SPEG: variants seen among roughly 807,000 people sequenced by gnomAD.
The protein encoded by SPEG is striated muscle enriched protein kinase.
SPEG carries 114 observed loss-of-function variants against 300.4 expected under a neutral mutation model. The ratio of observed to expected loss-of-function variants is 0.38; its 90% CI spans 0.33 to 0.44. The LOEUF is 0.44. Among genes scored for constraint, SPEG ranks in the 20% least tolerant of loss-of-function variants. SPEG has a pLI of 1.00. For missense variants in SPEG, 4,201 were observed against 4,586.2 expected, an observed-to-expected ratio of 0.92 and a Z score of 2.43; for synonymous variants, 1,964 against 2,018.9, an observed-to-expected ratio of 0.97 and a Z score of 0.73.
chr2:219,492,350 A>G (rs909184598), intron 40 of SPEG, 90 bp downstream of exon 40: 6 of 1,426,022 alleles, frequency 4.2e-6, no homozygotes, highest in Non-Finnish European at 5.8e-6. Context: ...CCCTGCTCCT[A>G]GGAAGAAGTC....
rs1692810908 is a variant in SPEG at position 219,481,243 on chromosome 2, C to T, written c.5370-61C>T. On this transcript the variant is annotated intron_variant, in intron 26 of 40. Coordinates refer to ENST00000312358, the MANE Select transcript of SPEG (RefSeq NM_005876.5). This position sits in a 1 kb window ranked among gnomAD's most constrained non-coding sequence, Gnocchi z 5.4. ...CTCCATCTGTCCCCAGCCCTGTGCCCCCACTGACATTCCCCTTTGTCCCCG... is the reference window on the plus strand; with the variant it reads ...CTCCATCTGTCCCCAGCCCTGTGCCTCCACTGACATTCCCCTTTGTCCCCG... 1.3e-6 allele frequency: 2 copies of T among 1,561,264 alleles called. No homozygotes were observed. The highest frequency in any genetic ancestry group is 8.8e-7 in the Non-Finnish European group (1 of 1,141,796).
Position 219,445,030 on chromosome 2 carries a change from G to A in SPEG, c.684G>A (p.Glu228=), listed in dbSNP as rs1194361146. The A allele has an allele frequency of 6.2e-7, 1 of 1,609,084 alleles. No individual in the cohort carries two copies. The highest frequency in any genetic ancestry group is 8.5e-7 in the Non-Finnish European group (1 of 1,177,912). Residue 228 remains glutamate (E), a synonymous_variant, in exon 3 of 41, where the codon GAG becomes GAA. Transcript: ENST00000312358. The surrounding 1 kb of genome is among the most constrained non-coding windows in gnomAD (Gnocchi z 6.1). The stretch of plus-strand genomic sequence containing the variant: ...CCGGGCCACGGCACCTGGGGGTGGA[G>A]CCGCTGGTGCGGGCATCTCGAGCTA... The part of the protein sequence containing the change: ...TGAGPRHLGV[E]PLVRASRANL...
rs1322082532 is a variant in SPEG at position 219,490,739 on chromosome 2, G to A, written c.9168G>A (p.Arg3056=). 1.9e-6 allele frequency: 3 copies of A among 1,613,928 alleles called. No individual in the cohort carries two copies. The African/African-American group carries it at 4.0e-5, about 22-fold the overall frequency. The change falls in exon 38 of 41, where the codon CGG becomes CGA. Residue 3056 remains arginine, a synonymous_variant. Coordinates refer to ENST00000312358, the MANE Select transcript of SPEG (RefSeq NM_005876.5). ...TCCATCCCTGCCCTCCCAGGTTCCGGTATTCTGAGGATGACGTGGCCACTT... is the reference window on the plus strand; with the variant it reads ...TCCATCCCTGCCCTCCCAGGTTCCGATATTCTGAGGATGACGTGGCCACTT... ...ELLCGLSDRF[R]YSEDDVATYM... is the part of the protein sequence containing the mutation.
rs757526116 is a variant in SPEG at position 219,451,917 on chromosome 2, C to A, written c.2440+110C>A. 2.6e-6 allele frequency: 3 copies of A among 1,141,300 alleles called. No homozygotes were observed. In the African/African-American group the frequency reaches 4.7e-5, roughly 18 times the overall value. The allele number at this position is 1,141,300 out of a possible 1,614,324, so 70.7% of individuals were successfully genotyped here. ...CTCTCAGCCTTGAGCTTGGGCACCC[C>A]GCCAGCATACTTAGTCCATGCAGTC... On this transcript the variant is annotated intron_variant, in intron 6 of 40. Transcript: ENST00000312358. The surrounding 1 kb of genome is among the most constrained non-coding windows in gnomAD (Gnocchi z 6.4).
Position 219,451,667 on chromosome 2 carries a change from G to C in SPEG, c.2300G>C (p.Arg767Pro), listed in dbSNP as rs749288521. 3 of 1,587,490 alleles carry C rather than the reference G, an allele frequency of 1.9e-6. No homozygotes were observed. The highest frequency in any genetic ancestry group is 2.6e-6 in the Non-Finnish European group (3 of 1,169,100). ...KDGSALRSEGRLLLRAEGERH... is the reference protein window; with the variant it reads ...KDGSALRSEGPLLLRAEGERH... Reference sequence around the variant, plus strand: ...GGGTCAGCGCTGCGCAGCGAGGGCCGCCTCCTCCTCCGGGCTGAGGGTGAG... The same window carrying C: ...GGGTCAGCGCTGCGCAGCGAGGGCCCCCTCCTCCTCCGGGCTGAGGGTGAG... Residue 767 changes from arginine to proline, a missense_variant, in exon 6 of 41, where the codon CGC (arginine) becomes CCC (proline). This residue lies in a region of SPEG where 1,258 missense variants were observed against 1,293.9 expected (regional missense o/e 0.97). Transcript: ENST00000312358. This position sits in a 1 kb window ranked among gnomAD's most constrained non-coding sequence, Gnocchi z 6.4.
intron 13 of SPEG, among the ~76,000 whole-genome samples, chr2:219,470,921 T>C (rs1559399332): frequency 6.8e-6 from 1 of 146,380 alleles, no homozygotes; most frequent in Non-Finnish European, 1.5e-5. Flanking sequence ...GCAACTCTTG[T>C]AATATATCAT....
In SPEG at chr2:219,469,247, C is replaced by T; in HGVS notation, c.3583C>T (p.Gln1195Ter). The change falls in exon 13 of 41, where the codon CAG becomes TAG. Residue 1195 changes from glutamine (Q) to a stop codon, truncating the protein, a stop_gained. Transcript: ENST00000312358. LOFTEE classifies it high-confidence loss of function. Reference sequence around the variant, plus strand: ...CATTCCTGACTTCCTGCGGCCACTGCAGGACCTGGAGGTGGGACTGGCCAA... The same window carrying T: ...CATTCCTGACTTCCTGCGGCCACTGTAGGACCTGGAGGTGGGACTGGCCAA... The part of the protein sequence containing the change: ...LSIPDFLRPL[Q>*]DLEVGLAKEA... 1 of 1,613,852 alleles carries T rather than the reference C, an allele frequency of 6.2e-7. No individual in the cohort carries two copies. The highest frequency in any genetic ancestry group is 8.5e-7 in the Non-Finnish European group (1 of 1,179,978).
chr2:219,469,741 A>G (rs1206577162), intron 13 of SPEG, among the ~76,000 whole-genome samples: 1 of 152,212 alleles, frequency 6.6e-6, no homozygotes, highest in African/African-American at 2.4e-5. Flanking sequence ...GCCCCAGAGC[A>G]GGGCCTGGCA....
intron 11 of SPEG, 47 bp downstream of exon 11, chr2:219,468,783 G>T: frequency 6.2e-7 from 1 of 1,610,068 alleles, no homozygotes; most frequent in Non-Finnish European, 8.5e-7. Context: ...CAAGGGCCCA[G>T]GCGGCGATGG....
In SPEG at chr2:219,435,258, GGCTGCGGCGCTGCGGGGC is replaced by G; in HGVS notation, c.284_301del (p.Leu95_Ala100del). 6.7e-7 allele frequency: 1 copy of G among 1,489,492 alleles called. No homozygotes were observed. The highest frequency in any genetic ancestry group is 8.9e-7 in the Non-Finnish European group (1 of 1,129,270). The allele number at this position is 1,489,492 out of a possible 1,614,324, so 92.3% of individuals were successfully genotyped here. ...CCGGCCCCCGAGCCCAGCTGCCTGT[GGCTGCGGCGCTGCGGGGC>G]GCAGGACGCCGGCGTGTACAGCTGC... is the stretch of plus-strand genomic sequence containing the variant. On this transcript the variant is annotated inframe_deletion, in exon 1 of 41. Transcript: ENST00000312358.
chr2:219,488,533 A>T lies in SPEG; in HGVS notation c.7894A>T (p.Ile2632Phe). 2 of 1,603,722 alleles carry T rather than the reference A, an allele frequency of 1.2e-6. No individual in the cohort carries two copies. Among genetic ancestry groups the T allele is most frequent in the Non-Finnish European group, 1.7e-6 (2 of 1,175,010 alleles). ...KSLRSEPSVI[I>F]VSCKDGRQLL... ...CTTGAGGTCAGAGCCCTCAGTGATC[A>T]TCGTGTCCTGCAAAGATGGGCGGCA... Residue 2632 changes from isoleucine to phenylalanine, a missense_variant, in exon 33 of 41, where the codon ATC becomes TTC. By Grantham distance (21) the Ile-to-Phe change is conservative. Transcript: ENST00000312358.
chr2:219,492,186 T>C lies in SPEG; in HGVS notation c.9537T>C (p.Asp3179=). The C allele has an allele frequency of 6.2e-7, 1 of 1,613,750 alleles. No homozygotes were observed. Among genetic ancestry groups the C allele is most frequent in the Non-Finnish European group, 8.5e-7 (1 of 1,179,916 alleles). The change falls in exon 40 of 41, where the codon GAT becomes GAC. Residue 3179 remains aspartate, a synonymous_variant. Coordinates refer to ENST00000312358, the MANE Select transcript of SPEG (RefSeq NM_005876.5). ...TEARIVGGRF[D]AFQLYPNTSQ... is the part of the protein sequence containing the mutation. Reference sequence around the variant, plus strand: ...CTCGGATTGTGGGGGGCCGCTTTGATGCCTTCCAGCTGTACCCCAATACAT... The same window carrying C: ...CTCGGATTGTGGGGGGCCGCTTTGACGCCTTCCAGCTGTACCCCAATACAT...
At chr2:219,461,348 G>A in intron 6 of SPEG, 1 of 987,240 alleles carries the variant, frequency 1.0e-6, no homozygotes, top group African/African-American at 1.7e-5. Flanking sequence ...GAAAGGGGGA[G>A]GGGCAGGCTA....
rs747042349 is a variant in SPEG at position 219,483,664 on chromosome 2, G to T, written c.6201G>T (p.Leu2067=). Residue 2067 remains leucine, a synonymous_variant, in exon 30 of 41, where the codon CTG becomes CTT. Transcript: ENST00000312358. ...GTGAGGGCGAGTATGCCCAGAGGCT[G>T]CAGGCCCTGCGCCAGCGGCTGCTGC... ...GLGEGEYAQR[L]QALRQRLLRG... 2.6e-6 allele frequency: 4 copies of T among 1,533,658 alleles called. No individual in the cohort carries two copies. In the South Asian group the frequency reaches 4.8e-5, roughly 18 times the overall value.
rs1187384456 is a variant in SPEG, at chr2:219,448,665, C to G, written c.1507C>G (p.Arg503Gly). ...RFAQELGRIR[R>G]STSREELVRS... ...CGCCCAGGAGCTGGGCCGCATCCGC[C>G]GCTCCACGTCGCGGGAGGAGCTGGT... is the stretch of plus-strand genomic sequence containing the variant. The change falls in exon 4 of 41, where the codon CGC (arginine) becomes GGC (glycine). Residue 503 changes from arginine (R) to glycine (G), a missense_variant. Transcript: ENST00000312358. 1 of 1,492,060 alleles carries G rather than the reference C, an allele frequency of 6.7e-7. No homozygotes were observed. The highest frequency in any genetic ancestry group is 8.9e-7 in the Non-Finnish European group (1 of 1,129,054). The allele number at this position is 1,492,060 out of a possible 1,614,324, so 92.4% of individuals were successfully genotyped here.
chr2:219,466,413 T>C, intron 9 of SPEG: 1 of 1,303,712 alleles, frequency 7.7e-7, no homozygotes, highest in Non-Finnish European at 9.8e-7. Flanking sequence ...CAGGCCTGTC[T>C]ATCTGTTTGT....
In SPEG at chr2:219,448,802, G is replaced by A; in HGVS notation, c.1644G>A (p.Val548=). Reference sequence around the variant, plus strand: ...CCACCCCCAAGACATCGCGGGCCGTGAGCCCCGCCGCCGCCCAGCCGCCCT... The same window carrying A: ...CCACCCCCAAGACATCGCGGGCCGTAAGCCCCGCCGCCGCCCAGCCGCCCT... ...RPSTPKTSRA[V]SPAAAQPPSP... Residue 548 remains valine (V), a synonymous_variant, in exon 4 of 41, where the codon GTG becomes GTA. Coordinates refer to ENST00000312358, the MANE Select transcript of SPEG (RefSeq NM_005876.5). 1.4e-6 allele frequency: 2 copies of A among 1,403,694 alleles called. No individual in the cohort carries two copies. The highest frequency in any genetic ancestry group is 1.8e-6 in the Non-Finnish European group (2 of 1,087,100). 87.0% of individuals were successfully genotyped at this position (1,403,694 alleles called of 1,614,324 possible).
chr2:219,485,173 C>A, intron 30 of SPEG, 101 bp downstream of exon 30: 1 of 1,482,698 alleles, frequency 6.7e-7, no homozygotes. Context: ...CCACCAGGGG[C>A]AGGCTGAGGC....
At position 219,479,213 on chromosome 2, in the gene SPEG, G is replaced by C; in HGVS notation, c.5085+12G>C. The C allele has an allele frequency of 6.2e-7, 1 of 1,612,074 alleles. No individual in the cohort carries two copies. Among genetic ancestry groups the C allele is most frequent in the South Asian group, 1.1e-5 (1 of 91,024 alleles). The stretch of plus-strand genomic sequence containing the variant: ...TGTGTGAGTCTGAGGTGAGGGCAGT[G>C]GGTGGCAGGGGCCAGGTTGGGCACC... On this transcript the variant is annotated intron_variant, in intron 23 of 40. Coordinates refer to ENST00000312358, the MANE Select transcript of SPEG (RefSeq NM_005876.5). The surrounding 1 kb of genome is among the most constrained non-coding windows in gnomAD (Gnocchi z 5.5).
Sources: allele counts gnomAD v4.1 joint callset (sites outside exome capture counted in the v4.1 genomes callset), GRCh38; gene constraint gnomAD v4.1.1; regional missense constraint gnomAD v4.1.1; non-coding constraint Gnocchi (gnomAD v3.1); transcripts MANE v1.5; gene names NCBI Gene and HGNC (gene_info 2026-07-23, HGNC 2026-07-21).